The following VDAC2 variants were observed in gnomAD, a reference collection of about 807,000 sequenced individuals.
The protein encoded by VDAC2 is non-selective voltage-gated ion channel VDAC2.
VDAC2 carries 6 observed loss-of-function variants against 36.6 expected under a neutral mutation model. The observed-to-expected ratio is 0.16, with a 90% confidence interval of 0.09 to 0.32. VDAC2 has a LOEUF of 0.32. Ranked by LOEUF, VDAC2 falls within the 10% of genes least tolerant of loss-of-function variation. VDAC2 has a pLI of 1.00. For missense variants in VDAC2, 247 were observed against 346.0 expected (o/e 0.71, Z 2.27); for synonymous variants, 109 against 123.8 (o/e 0.88, Z 0.79).
chr10:75,211,541 A>G (rs1481460988), intron 2 of VDAC2: 14 of 1,550,006 alleles, frequency 9.0e-6, no homozygotes, highest in East Asian at 4.9e-5. Context: ...GCGCAAGGTC[A>G]TTACTTGTGC....
intron 4 of VDAC2, among the ~76,000 whole-genome samples, chr10:75,216,827 T>C (rs1841620695): frequency 6.6e-6 from 1 of 152,234 alleles, no homozygotes; most frequent in Admixed American, 6.5e-5. Flanking sequence ...GAAAAACCTG[T>C]TCCATATATA....
chr10:75,222,685 TC>T (rs1841849443), intron 8 of VDAC2, among the ~76,000 whole-genome samples: 1 of 151,594 alleles, frequency 6.6e-6, no homozygotes, highest in Non-Finnish European at 1.5e-5. Context: ...TGGTGTTTGG[TC>T]CCTGAGTGGT....
At chr10:75,211,311 C>A in intron 2 of VDAC2, 122 bp downstream of exon 2, 1 of 1,455,368 alleles carries the variant, frequency 6.9e-7, no homozygotes, top group South Asian at 1.3e-5. Flanking sequence ...TTTTGGTGGT[C>A]GCCCCACCGT....
In VDAC2 at chr10:75,211,552, T is replaced by G; in HGVS notation, c.31+363T>G. ...GAGAGCGCAAGGTCATTACTTGTGC[T>G]CCTAAGGGCGTGGACGTGCTTTGTG... On this transcript the variant is annotated intron_variant, in intron 2 of 9. Coordinates refer to ENST00000332211, the MANE Select transcript of VDAC2 (RefSeq NM_001391963.1). 2.6e-6 allele frequency: 4 copies of G among 1,550,376 alleles called. No individual in the cohort carries two copies. In the South Asian group the frequency reaches 4.8e-5, roughly 18 times the overall value.
intron 4 of VDAC2, 143 bp from the exon 5 acceptor site, chr10:75,218,920 G>A (rs1590003745): frequency 1.2e-6 from 1 of 802,388 alleles, no homozygotes; most frequent in Non-Finnish European, 1.9e-6. Context: ...CAGTGCAGAA[G>A]GATACGAGTG....
At position 75,214,018 on chromosome 10, in the gene VDAC2, A is replaced by G; in HGVS notation, c.101-3A>G. On this transcript the variant is annotated splice_polypyrimidine_tract_variant and splice_region_variant and intron_variant, in intron 3 of 9. Transcript: ENST00000332211. ...TGTTTCTTTTGCTGTCTATTTGTTG[A>G]AGGTTTTGGGTTGGTGAAACTGGAT... 1.2e-6 allele frequency: 2 copies of G among 1,613,154 alleles called. No individual in the cohort carries two copies.
chr10:75,228,846 C>T (rs904773766), intron 8 of VDAC2, among the ~76,000 whole-genome samples: 1 of 151,936 alleles, frequency 6.6e-6, no homozygotes, highest in African/African-American at 2.4e-5. Flanking sequence ...GCAGGTGTTC[C>T]TGGCCTCTGG....
intron 7 of VDAC2, among the ~76,000 whole-genome samples, chr10:75,221,626 T>C (rs1841816882): frequency 6.6e-6 from 1 of 152,182 alleles, no homozygotes; most frequent in South Asian, 2.1e-4. Context: ...TATTGTTGTT[T>C]TTTTGTTTGT....
intron 8 of VDAC2, 107 bp from the exon 9 acceptor site, chr10:75,229,537 C>G: frequency 2.5e-6 from 2 of 807,572 alleles, no homozygotes; most frequent in South Asian, 3.7e-5. Flanking sequence ...TTTATTGTCT[C>G]ACGTGAATAA....
intron 9 of VDAC2, 45 bp downstream of exon 9, chr10:75,229,746 A>C (rs1164707107): frequency 1.3e-6 from 2 of 1,492,940 alleles, no homozygotes; most frequent in East Asian, 2.4e-5. Flanking sequence ...AGTATTAAAA[A>C]ATTTAGTTTT....
intron 8 of VDAC2, among the ~76,000 whole-genome samples, chr10:75,226,841 A>G (rs1165666681): frequency 6.6e-6 from 1 of 152,180 alleles, no homozygotes; most frequent in African/African-American, 2.4e-5. Context: ...TAGTCCCTAG[A>G]TGGCCACATG....
intron 6 of VDAC2, among the ~76,000 whole-genome samples, chr10:75,220,020 G>T (rs1841762334): frequency 6.6e-6 from 1 of 151,304 alleles, no homozygotes; most frequent in Admixed American, 6.6e-5. Context: ...TAGAGACAGG[G>T]TTTCACCGTG....
At chr10:75,227,373 G>A (rs1343358745) in intron 8 of VDAC2, among the ~76,000 whole-genome samples, 2 of 152,140 alleles carry the variant, frequency 1.3e-5, no homozygotes, top group Non-Finnish European at 2.9e-5. Flanking sequence ...CCCTGAACCT[G>A]TGTGATCCGA....
chr10:75,218,400 CCACCA>C (rs1279276217), intron 4 of VDAC2, among the ~76,000 whole-genome samples: 5 of 152,170 alleles, frequency 3.3e-5, no homozygotes. Context: ...CAGGCATGAG[CCACCA>C]CACTCAGTCC....
intron 4 of VDAC2, among the ~76,000 whole-genome samples, chr10:75,218,722 A>G (rs1258362442): frequency 6.6e-6 from 1 of 151,982 alleles, no homozygotes; most frequent in Non-Finnish European, 1.5e-5. Flanking sequence ...AGATCACGCC[A>G]CTGCACTCCA....
intron 8 of VDAC2, among the ~76,000 whole-genome samples, chr10:75,223,318 C>T (rs898376209): frequency 1.3e-5 from 2 of 152,150 alleles, no homozygotes; most frequent in African/African-American, 4.8e-5. Flanking sequence ...ATAAAAACCT[C>T]AAGATTCATA....
At chr10:75,225,373 C>T (rs961108458) in intron 8 of VDAC2, among the ~76,000 whole-genome samples, 2 of 152,204 alleles carry the variant, frequency 1.3e-5, no homozygotes, top group African/African-American at 2.4e-5. Flanking sequence ...AGACTCAGAT[C>T]CAAGTGGATT....
At chr10:75,212,811 C>T (rs1448701611) in intron 3 of VDAC2, among the ~76,000 whole-genome samples, 3 of 152,166 alleles carry the variant, frequency 2.0e-5, no homozygotes, top group African/African-American at 7.2e-5. Flanking sequence ...AAAAACTGTA[C>T]TTAGAAGATT....
intron 6 of VDAC2, among the ~76,000 whole-genome samples, chr10:75,220,525 ATTGT>A (rs140970008): frequency 0.011 from 1,706 of 151,520 alleles, 35 homozygotes; most frequent in African/African-American, 0.039. Flanking sequence ...TTTGTGACTG[ATTGT>A]TTGTTCTGCA....
Sources: allele counts gnomAD v4.1 joint callset (sites outside exome capture counted in the v4.1 genomes callset), GRCh38; gene constraint gnomAD v4.1.1; transcripts MANE v1.5; gene names NCBI Gene and HGNC (gene_info 2026-07-23, HGNC 2026-07-21).